The following KMT2C variants were observed in gnomAD, a reference collection of about 807,000 sequenced individuals.
KMT2C encodes lysine methyltransferase 2C, also known as histone-lysine N-methyltransferase 2C.
In KMT2C, 88 loss-of-function variants were observed where a neutral mutation model predicts 507.9. That is an observed-to-expected ratio of 0.17 (90% CI 0.15 to 0.21). The LOEUF is 0.21. KMT2C is among the 10% of genes least tolerant of loss of function. KMT2C has a pLI of 1.00. For synonymous variants in KMT2C, 2,049 were observed against 2,080.8 expected, an observed-to-expected ratio of 0.98 and a Z score of 0.42; for missense variants, 4,954 against 5,957.8, an observed-to-expected ratio of 0.83 and a Z score of 5.55.
intron 14 of KMT2C, among the ~76,000 whole-genome samples, chr7:152,241,589 C>T (rs1188568576): frequency 2.0e-5 from 3 of 152,224 alleles, no homozygotes; most frequent in African/African-American, 7.2e-5. Flanking sequence ...TCTCTTACCA[C>T]ACCATTAGTG....
chr7:152,355,956 G>C (rs1397356718), intron 2 of KMT2C, among the ~76,000 whole-genome samples: 1 of 152,042 alleles, frequency 6.6e-6, no homozygotes, highest in East Asian at 1.9e-4. Context: ...CAATGAGATG[G>C]AAAAGTTATT....
In KMT2C at chr7:152,330,593, T is replaced by C. The variant is rs2129212024; in HGVS notation, c.389+8A>G. On this transcript the variant is annotated splice_region_variant and intron_variant, in intron 3 of 58. Transcript: ENST00000262189. The stretch of plus-strand genomic sequence containing the variant: ...TAATATCCAATCCAGCTGCATTCAT[T>C]CTCTAACCTGATTTTGGCTTCTACA... The C allele has an allele frequency of 6.2e-7, 1 of 1,613,576 alleles. No homozygotes were observed. Among genetic ancestry groups the C allele is most frequent in the Non-Finnish European group, 8.5e-7 (1 of 1,179,550 alleles).
At chr7:152,425,952 CAG>C (rs1398932526) in intron 1 of KMT2C, among the ~76,000 whole-genome samples, 1 of 152,046 alleles carries the variant, frequency 6.6e-6, no homozygotes, top group Non-Finnish European at 1.5e-5. Flanking sequence ...AAACCCTAGC[CAG>C]TAGAGTTATA....
chr7:152,411,186 G>A (rs1487936101), intron 1 of KMT2C, among the ~76,000 whole-genome samples: 2 of 151,810 alleles, frequency 1.3e-5, no homozygotes, highest in African/African-American at 4.8e-5. Flanking sequence ...TTCCAAACCA[G>A]ATACAAAAAT....
chr7:152,206,348 C>T (rs764328517), intron 24 of KMT2C, among the ~76,000 whole-genome samples: 7 of 151,242 alleles, frequency 4.6e-5, no homozygotes, highest in Non-Finnish European at 8.8e-5. Flanking sequence ...TAAAAAAGTA[C>T]ACTTATAAGC....
chr7:152,191,900 CACAAGGCTGTACTTGAAT>C (rs2093805934), intron 31 of KMT2C, among the ~76,000 whole-genome samples: 1 of 152,114 alleles, frequency 6.6e-6, no homozygotes, highest in African/African-American at 2.4e-5. Context: ...CTTAGTGATT[CACAAGGCTGTACTTGAAT>C]TATACTGTAC....
In KMT2C at chr7:152,413,885, C is replaced by CAA. The variant is rs56006056; in HGVS notation, c.161+21739_161+21740dup. Reference sequence around the variant, plus strand: ...GGGTGACAAGAGCAAAACTCCGTCTCAAAAAAAAAAAAAAATTTACAAAAG... The same window carrying CAA: ...GGGTGACAAGAGCAAAACTCCGTCTCAAAAAAAAAAAAAAAAATTTACAAAAG... On this transcript the variant is annotated intron_variant, in intron 1 of 58. Coordinates refer to ENST00000262189, the MANE Select transcript of KMT2C (RefSeq NM_170606.3). Among the ~76,000 whole-genome samples the CAA allele has an allele frequency of 8.9e-4, 96 of 108,164 alleles. 1 individual carries two copies. The highest frequency in any genetic ancestry group is 3.6e-3 in the African/African-American group (79 of 22,030). The allele number at this position is 108,164 out of a possible 152,430, so 71.0% of individuals were successfully genotyped here. A position where few individuals can be genotyped will look rare whatever the true frequency, so the allele number is the denominator to read the frequency against.
Position 152,149,150 on chromosome 7 carries a change from T to C in KMT2C, c.12777A>G (p.Glu4259=). The change falls in exon 52 of 59, where the codon GAA becomes GAG. Residue 4259 remains glutamate, a splice_region_variant and synonymous_variant. Transcript: ENST00000262189. The stretch of plus-strand genomic sequence containing the variant: ...GTGATTGTGGCAATGAAGGAATGGA[T>C]TCCTGGGCAACATAAAGAAACCATG... ...TAQAKNSENK[E]SIPSLPQSPM... is the part of the protein sequence containing the mutation. 1.4e-6 allele frequency: 2 copies of C among 1,458,204 alleles called. No individual in the cohort carries two copies. Among genetic ancestry groups the C allele is most frequent in the Non-Finnish European group, 9.0e-7 (1 of 1,106,930 alleles). The allele number at this position is 1,458,204 out of a possible 1,614,324, so 90.3% of individuals were successfully genotyped here.
At chr7:152,370,324 G>A (rs2097284628) in intron 1 of KMT2C, among the ~76,000 whole-genome samples, 1 of 152,146 alleles carries the variant, frequency 6.6e-6, no homozygotes, top group South Asian at 2.1e-4. Context: ...GATGAAATAT[G>A]TAACCTGAAC....
chr7:152,182,627 T>C (rs1299429859), intron 35 of KMT2C, 33 bp from the exon 36 acceptor site: 2 of 1,513,656 alleles, frequency 1.3e-6, no homozygotes, highest in African/African-American at 2.8e-5. Flanking sequence ...GCAATCATAT[T>C]TAGGTTAAGG....
chr7:152,367,238 G>C, intron 1 of KMT2C: 2 of 1,450,554 alleles, frequency 1.4e-6, no homozygotes, highest in Non-Finnish European at 1.9e-6. Flanking sequence ...GATGTTGACA[G>C]CACGGTCATC....
At chr7:152,296,997 A>AAAGAAAGAAAGAAAGAAAG (rs2096505748) in intron 6 of KMT2C, among the ~76,000 whole-genome samples, 47 of 59,004 alleles carry the variant, frequency 8.0e-4, no homozygotes, top group African/African-American at 2.6e-3. Context: ...GAAAGAAAGA[A>AAAGAAAGAAAGAAAGAAAG]AAAGAAAGAA....
At chr7:152,305,530 G>C (rs1158503520) in intron 6 of KMT2C, among the ~76,000 whole-genome samples, 1 of 152,004 alleles carries the variant, frequency 6.6e-6, no homozygotes, top group Non-Finnish European at 1.5e-5. Context: ...AGATCATGTA[G>C]AGCCTTACAG....
At chr7:152,410,956 T>G (rs2097676114) in intron 1 of KMT2C, among the ~76,000 whole-genome samples, 1 of 151,960 alleles carries the variant, frequency 6.6e-6, no homozygotes, top group South Asian at 2.1e-4. Context: ...TGAGCCAAGA[T>G]CTCACTCCTG....
chr7:152,201,113 TTCTG>T (rs2094122910), intron 26 of KMT2C, among the ~76,000 whole-genome samples: 1 of 152,148 alleles, frequency 6.6e-6, no homozygotes, highest in Admixed American at 6.5e-5. Context: ...TCAGCAAGAA[TTCTG>T]TCTAATGACT....
intron 35 of KMT2C, 21 bp from the exon 36 acceptor site, chr7:152,182,615 A>G (rs781500666): frequency 1.3e-6 from 2 of 1,525,198 alleles, no homozygotes; most frequent in Non-Finnish European, 1.8e-6. Context: ...AGAAAAGAAA[A>G]AGCAATCATA....
At chr7:152,332,596 A>G (rs1445927492) in intron 2 of KMT2C, among the ~76,000 whole-genome samples, 1 of 152,190 alleles carries the variant, frequency 6.6e-6, no homozygotes, top group Non-Finnish European at 1.5e-5. Context: ...CTGTAATCCC[A>G]GCACTTTGGG....
intron 1 of KMT2C, chr7:152,367,754 T>TA: frequency 9.3e-7 from 1 of 1,071,220 alleles, no homozygotes; most frequent in Non-Finnish European, 1.5e-6. Flanking sequence ...ATTACATTGA[T>TA]AGTAAATCTG....
intron 1 of KMT2C, among the ~76,000 whole-genome samples, chr7:152,410,734 C>T (rs147592272): frequency 4.0e-4 from 59 of 148,908 alleles, no homozygotes; most frequent in African/African-American, 4.4e-4. Flanking sequence ...CAGTGACTCA[C>T]GCCTATAATC....
Sources: allele counts gnomAD v4.1 joint callset (sites outside exome capture counted in the v4.1 genomes callset), GRCh38; gene constraint gnomAD v4.1.1; transcripts MANE v1.5; gene names NCBI Gene and HGNC (gene_info 2026-07-23, HGNC 2026-07-21).